ABCC2: variants seen among roughly 807,000 people sequenced by gnomAD.
ABCC2 encodes ATP-binding cassette sub-family C member 2.
ABCC2 carries 157 observed loss-of-function variants against 173.4 expected under a neutral mutation model. The ratio of observed to expected loss-of-function variants is 0.91; its 90% CI spans 0.80 to 1.03. ABCC2 has a LOEUF of 1.03. Ranked by LOEUF, ABCC2 falls within the 50% of genes least tolerant of loss-of-function variation. The pLI, the probability that ABCC2 is intolerant of heterozygous loss-of-function variation, is 0.00. For missense variants in ABCC2, 1,822 were observed against 1,852.3 expected (o/e 0.98, Z 0.30); for synonymous variants, 657 against 693.5 (o/e 0.95, Z 0.83).
Position 99,845,646 on chromosome 10 carries a change from G to A in ABCC2, c.4010G>A (p.Gly1337Glu), listed in dbSNP as rs1330938044. ...MEKIGVVGRTGAGKSSLTNCL... is the reference protein window; with the variant it reads ...MEKIGVVGRTEAGKSSLTNCL... ...CAGATTGGTGTGGTGGGCAGGACAG[G>A]AGCTGGAAAGTCATCCCTCACAAAC... Residue 1337 changes from glycine to glutamate, a missense_variant, in exon 29 of 32, where the codon GGA becomes GAA. Physicochemically the swap from Gly to Glu is moderately conservative, Grantham distance 98. Transcript: ENST00000647814. 1 of 1,614,084 alleles carries A rather than the reference G, an allele frequency of 6.2e-7. No individual in the cohort carries two copies. Among genetic ancestry groups the A allele is most frequent in the African/African-American group, 1.3e-5 (1 of 75,014 alleles).
At position 99,799,213 on chromosome 10, in the gene ABCC2, G is replaced by T. The variant is rs1188740044; in HGVS notation, c.874G>T (p.Val292Phe). 1.9e-6 allele frequency: 3 copies of T among 1,613,910 alleles called. No homozygotes were observed. Among genetic ancestry groups the T allele is most frequent in the South Asian group, 2.2e-5 (2 of 91,072 alleles). The stretch of plus-strand genomic sequence containing the variant: ...TGTTTGGTTTTGTACCTAGGAAGAT[G>T]TTGAAAAGAAAAAAAAGAAGTCTGG... Reference protein sequence around the residue: ...QSQDALVLEDVEKKKKKSGTK... With the variant: ...QSQDALVLEDFEKKKKKSGTK... The change falls in exon 8 of 32, where the codon GTT (valine) becomes TTT (phenylalanine). Residue 292 changes from valine (V) to phenylalanine (F), a missense_variant. Transcript: ENST00000647814.
intron 16 of ABCC2, among the ~76,000 whole-genome samples, chr10:99,814,454 TATAC>T (rs1269477924): frequency 1.6e-5 from 1 of 61,678 alleles, no homozygotes; most frequent in African/African-American, 1.0e-4. Flanking sequence ...TATGTGTGTA[TATAC>T]ATACACACAT....
intron 2 of ABCC2, among the ~76,000 whole-genome samples, chr10:99,790,555 T>A (rs2037794489): frequency 6.6e-6 from 1 of 152,304 alleles, no homozygotes; most frequent in Middle Eastern, 3.4e-3. Flanking sequence ...AATAGGCTGC[T>A]GGTTAGTACC....
At chr10:99,813,256 A>G in intron 16 of ABCC2, 112 bp downstream of exon 16, 2 of 1,371,704 alleles carry the variant, frequency 1.5e-6, no homozygotes, top group East Asian at 5.0e-5. Flanking sequence ...TCTTGGAGAC[A>G]TCCGATAGAT....
At chr10:99,803,957 T>A in intron 9 of ABCC2, 62 bp from the exon 10 acceptor site, 3 of 1,607,648 alleles carry the variant, frequency 1.9e-6, no homozygotes, top group Non-Finnish European at 2.6e-6. Context: ...CTGAGCTTCC[T>A]CTTCTACTCC....
In ABCC2 at chr10:99,831,769, C is replaced by G. The variant is rs2038743629; in HGVS notation, c.3042C>G (p.Asp1014Glu). The change falls in exon 22 of 32, where the codon GAC becomes GAG. Residue 1014 changes from aspartate (D) to glutamate (E), a missense_variant. Asp to Glu is a conservative substitution (Grantham distance 45). Coordinates refer to ENST00000647814, the MANE Select transcript of ABCC2 (RefSeq NM_000392.5). ...ACTCTAAAATCTTCAATAGCACCGA[C>G]TATCCAGCATCTCAGAGGGACATGA... ...TSDSKIFNSTDYPASQRDMRV... is the reference protein window; with the variant it reads ...TSDSKIFNSTEYPASQRDMRV... The G allele has an allele frequency of 1.2e-6, 2 of 1,614,128 alleles. No individual in the cohort carries two copies. The highest frequency in any genetic ancestry group is 1.1e-5 in the South Asian group (1 of 91,094).
intron 14 of ABCC2, among the ~76,000 whole-genome samples, chr10:99,810,450 GA>G (rs1272700929): frequency 6.6e-6 from 1 of 152,190 alleles, no homozygotes; most frequent in Admixed American, 6.5e-5. Context: ...GATAAGCAGG[GA>G]ATCCTGCAAA....
In ABCC2 at chr10:99,852,240, G is replaced by C. The variant is rs535851328; in HGVS notation, c.*609G>C. 5 of 152,910 alleles carry C rather than the reference G, an allele frequency of 3.3e-5. No individual in the cohort carries two copies. Among genetic ancestry groups the C allele is most frequent in the Non-Finnish European group, 7.3e-5 (5 of 68,576 alleles). 9.5% of individuals were successfully genotyped at this position (152,910 alleles called of 1,614,324 possible). A position where few individuals can be genotyped will look rare whatever the true frequency, so the allele number is the denominator to read the frequency against. On this transcript the variant is annotated 3_prime_UTR_variant, in exon 32 of 32. Transcript: ENST00000647814. ...GCACATATGTAAGAGTTTCTCTAGG[G>C]TATAACCTAGGAATGGAGGGTATGA...
chr10:99,845,635 G>T lies in ABCC2; in HGVS notation c.3999G>T (p.Val1333=). The T allele has an allele frequency of 6.2e-7, 1 of 1,614,016 alleles. No homozygotes were observed. The highest frequency in any genetic ancestry group is 8.5e-7 in the Non-Finnish European group (1 of 1,179,976). The part of the protein sequence containing the change: ...DIGSMEKIGV[V]GRTGAGKSSL... The stretch of plus-strand genomic sequence containing the variant: ...AACTATATTCGCAGATTGGTGTGGT[G>T]GGCAGGACAGGAGCTGGAAAGTCAT... Residue 1333 remains valine, a synonymous_variant, in exon 29 of 32, where the codon GTG becomes GTT. Transcript: ENST00000647814.
chr10:99,821,675 G>T (rs2038540526), intron 19 of ABCC2, among the ~76,000 whole-genome samples: 1 of 152,196 alleles, frequency 6.6e-6, no homozygotes, highest in Non-Finnish European at 1.5e-5. Flanking sequence ...GGGGTTGGGG[G>T]TAAGGTCACA....
chr10:99,788,113 T>C (rs2037750218), intron 2 of ABCC2, among the ~76,000 whole-genome samples: 1 of 152,000 alleles, frequency 6.6e-6, no homozygotes, highest in Non-Finnish European at 1.5e-5. Context: ...AGTACTCTAG[T>C]CACTCATTCA....
chr10:99,798,943 C>T (rs1312705003), intron 7 of ABCC2, among the ~76,000 whole-genome samples: 3 of 152,274 alleles, frequency 2.0e-5, no homozygotes, highest in East Asian at 1.9e-4. Flanking sequence ...CAGGCCCCCA[C>T]GCAGATGGGT....
chr10:99,810,566 A>G (rs998948954), intron 14 of ABCC2, among the ~76,000 whole-genome samples: 1 of 152,228 alleles, frequency 6.6e-6, no homozygotes, highest in Non-Finnish European at 1.5e-5. Context: ...ATTGGGGGCC[A>G]GCCATGGCCA....
rs775359039 is a variant in ABCC2, at chr10:99,811,522, C to T, written c.1901-14C>T. 6.2e-6 allele frequency: 10 copies of T among 1,613,878 alleles called. No individual in the cohort carries two copies. The African/African-American group carries it at 1.2e-4, about 19-fold the overall frequency. On this transcript the variant is annotated splice_polypyrimidine_tract_variant and intron_variant, in intron 14 of 31. Transcript: ENST00000647814. ...GGACCTACATTGGACTAAAAGAGGG[C>T]TTTTTCTCAACAGACAAAGCCATGC...
intron 16 of ABCC2, among the ~76,000 whole-genome samples, chr10:99,816,386 C>T (rs372474055): frequency 1.3e-4 from 19 of 151,772 alleles, no homozygotes; most frequent in Admixed American, 8.5e-4. Flanking sequence ...TGGGTTCAAG[C>T]GATTCTCCTG....
At chr10:99,812,142 G>A (rs907875585) in intron 15 of ABCC2, among the ~76,000 whole-genome samples, 2 of 152,144 alleles carry the variant, frequency 1.3e-5, no homozygotes, top group South Asian at 2.1e-4. Flanking sequence ...TCACAACTGA[G>A]CACATCTTAC....
chr10:99,820,014 A>G (rs767515953), intron 19 of ABCC2, among the ~76,000 whole-genome samples: 22 of 152,178 alleles, frequency 1.4e-4, no homozygotes, highest in Non-Finnish European at 2.8e-4. Context: ...CATTCCAGAA[A>G]TCAGTCAGAT....
At position 99,800,552 on chromosome 10, in the gene ABCC2, G is replaced by C. The variant is rs2037999475; in HGVS notation, c.1198G>C (p.Val400Leu). ...AGTACGGACAGCTATCATGGCTTCT[G>C]TATATAAGAAGGTAAGCAGAATACG... Reference protein sequence around the residue: ...VKVRTAIMASVYKKALTLSNL... With the variant: ...VKVRTAIMASLYKKALTLSNL... The change falls in exon 9 of 32, where the codon GTA (valine) becomes CTA (leucine). Residue 400 changes from valine to leucine, a missense_variant. By Grantham distance (32) the Val-to-Leu change is conservative (BLOSUM62 1). Transcript: ENST00000647814. 6.2e-6 allele frequency: 10 copies of C among 1,614,132 alleles called. No homozygotes were observed. Among genetic ancestry groups the C allele is most frequent in the Non-Finnish European group, 8.5e-6 (10 of 1,180,016 alleles).
At position 99,793,912 on chromosome 10, in the gene ABCC2, C is replaced by G; in HGVS notation, c.489C>G (p.Ala163=). The stretch of plus-strand genomic sequence containing the variant: ...CATAGGGTGACAATTCTAATCTAGC[C>G]TACTCCTGCCTGTTCTTCATCTCCT... ...TLLQGDNSNL[A]YSCLFFISYG... The change falls in exon 5 of 32, where the codon GCC becomes GCG. Residue 163 remains alanine (A), a synonymous_variant. Transcript: ENST00000647814. The G allele has an allele frequency of 1.9e-6, 3 of 1,613,868 alleles. No homozygotes were observed. Among genetic ancestry groups the G allele is most frequent in the Non-Finnish European group, 2.5e-6 (3 of 1,179,814 alleles).
Sources: allele counts gnomAD v4.1 joint callset (sites outside exome capture counted in the v4.1 genomes callset), GRCh38; gene constraint gnomAD v4.1.1; transcripts MANE v1.5; gene names NCBI Gene and HGNC (gene_info 2026-07-23, HGNC 2026-07-21).